Variants in KCNIP4 observed in about 807,000 individuals in gnomAD.
The protein encoded by KCNIP4 is Kv channel-interacting protein 4.
In KCNIP4, 12 loss-of-function variants were observed where a neutral mutation model predicts 34.0. That is an observed-to-expected ratio of 0.35 (90% confidence interval 0.23 to 0.57). KCNIP4 has a LOEUF of 0.57. Ranked by LOEUF, KCNIP4 falls within the 20% of genes least tolerant of loss-of-function variation. The pLI is 0.83. For missense variants in KCNIP4, 238 were observed against 311.7 expected, an observed-to-expected ratio of 0.76 and a Z score of 1.78; for synonymous variants, 124 against 102.2, an observed-to-expected ratio of 1.21 and a Z score of -1.29.
intron 1 of KCNIP4, among the ~76,000 whole-genome samples, chr4:21,462,478 A>G (rs1729540491): frequency 6.6e-6 from 1 of 152,108 alleles, no homozygotes; most frequent in Admixed American, 6.5e-5. Context: ...CCATGATTCA[A>G]TTACCTCCCA....
chr4:21,481,665 G>C (rs1001259550), intron 1 of KCNIP4, among the ~76,000 whole-genome samples: 2 of 152,094 alleles, frequency 1.3e-5, no homozygotes, highest in African/African-American at 4.8e-5. Context: ...TGGGCTTCTG[G>C]ACTAATGGAT....
chr4:21,503,673 TC>T (rs1372592505), intron 1 of KCNIP4, among the ~76,000 whole-genome samples: 1 of 152,164 alleles, frequency 6.6e-6, no homozygotes, highest in Non-Finnish European at 1.5e-5. Flanking sequence ...ACTTTTTAAA[TC>T]TTTTATAGCA....
At chr4:21,526,471 A>G (rs532380289) in intron 1 of KCNIP4, among the ~76,000 whole-genome samples, 1 of 152,254 alleles carries the variant, frequency 6.6e-6, no homozygotes, top group Non-Finnish European at 1.5e-5. Flanking sequence ...ATGGGAACAG[A>G]CTAATATAGC....
chr4:21,055,043 T>C lies in KCNIP4; in HGVS notation c.62-172334A>G, dbSNP rs1047856904. 3.3e-5 allele frequency among the ~76,000 whole-genome samples: 5 copies of C among 152,178 alleles called. No individual in the cohort carries two copies. In the East Asian group the frequency reaches 5.8e-4, roughly 18 times the overall value. ...TGACAAAGAATCATTTTCCAAAGTA[T>C]ACAAAAAACTCTTAAGACTCAACAG... is the stretch of plus-strand genomic sequence containing the variant. On this transcript the variant is annotated intron_variant, in intron 1 of 8. Transcript: ENST00000382152.
At chr4:21,682,173 G>A (rs574518347) in intron 1 of KCNIP4, among the ~76,000 whole-genome samples, 60 of 152,176 alleles carry the variant, frequency 3.9e-4, no homozygotes, top group South Asian at 8.3e-4. Context: ...GATTACCTGC[G>A]TGAGCCACCA....
At chr4:21,839,519 C>T (rs546282493) in intron 1 of KCNIP4, among the ~76,000 whole-genome samples, 11 of 152,228 alleles carry the variant, frequency 7.2e-5, no homozygotes, top group African/African-American at 2.4e-4. Context: ...TTTGGGAGGC[C>T]GAGGTGGGTG....
intron 3 of KCNIP4, among the ~76,000 whole-genome samples, chr4:20,769,273 C>T (rs990633906): frequency 6.6e-6 from 1 of 152,106 alleles, no homozygotes; most frequent in Non-Finnish European, 1.5e-5. Context: ...CTTATTTTTA[C>T]TATTATCTCT....
At chr4:20,899,143 C>A (rs77835056) in intron 1 of KCNIP4, among the ~76,000 whole-genome samples, 7,251 of 152,194 alleles carry the variant, frequency 0.048, 392 homozygotes, top group African/African-American at 0.13. Flanking sequence ...GTGTTATCTA[C>A]AAATTATATC....
chr4:20,956,722 T>A (rs2149651508), intron 1 of KCNIP4, among the ~76,000 whole-genome samples: 1 of 152,270 alleles, frequency 6.6e-6, no homozygotes, highest in African/African-American at 2.4e-5. Flanking sequence ...GTTTTTAAAT[T>A]TGACTTTAAG....
chr4:21,457,360 G>T (rs1283994161), intron 1 of KCNIP4, among the ~76,000 whole-genome samples: 1 of 151,786 alleles, frequency 6.6e-6, no homozygotes, highest in Non-Finnish European at 1.5e-5. Context: ...CTTTTAGCGT[G>T]CCAGCTCTGT....
At chr4:20,802,188 T>C (rs142390973) in intron 3 of KCNIP4, among the ~76,000 whole-genome samples, 9 of 48,084 alleles carry the variant, frequency 1.9e-4, no homozygotes, top group East Asian at 1.8e-3. Flanking sequence ...ATATATGCTA[T>C]ATATATGCTA....
intron 1 of KCNIP4, among the ~76,000 whole-genome samples, chr4:21,138,414 A>G (rs932336072): frequency 1.3e-5 from 2 of 152,266 alleles, no homozygotes; most frequent in South Asian, 2.1e-4. Flanking sequence ...CTGTCTACAG[A>G]GCATGCCATC....
intron 1 of KCNIP4, among the ~76,000 whole-genome samples, chr4:20,936,768 T>C (rs1731112616): frequency 6.6e-6 from 1 of 152,190 alleles, no homozygotes; most frequent in Non-Finnish European, 1.5e-5. Flanking sequence ...TCCCTCACCA[T>C]GTCCCACAGA....
chr4:21,125,633 G>A (rs925936013), intron 1 of KCNIP4, among the ~76,000 whole-genome samples: 1 of 152,100 alleles, frequency 6.6e-6, no homozygotes, highest in African/African-American at 2.4e-5. Context: ...CCGCACGTTG[G>A]GAACCAGTGC....
intron 1 of KCNIP4, among the ~76,000 whole-genome samples, chr4:21,763,483 CAAT>C (rs754691220): frequency 6.6e-6 from 1 of 152,064 alleles, no homozygotes; most frequent in Non-Finnish European, 1.5e-5. Flanking sequence ...ATAAAAACAA[CAAT>C]GTCTTCAGAA....
Position 21,342,467 on chromosome 4 carries a change from T to C in KCNIP4, c.62-459758A>G, listed in dbSNP as rs563884765. 4.3e-4 allele frequency among the ~76,000 whole-genome samples: 66 copies of C among 152,250 alleles called. 1 individual carries two copies. The South Asian group carries it at 0.012, about 27-fold the overall frequency. ...TGTCACTATTGCTCACTAGAGGAAA[T>C]TGAAAGCTTAAACATCATGCCCAAG... On this transcript the variant is annotated intron_variant, in intron 1 of 8. Transcript: ENST00000382152.
chr4:21,055,902 G>A (rs555919922), intron 1 of KCNIP4, among the ~76,000 whole-genome samples: 22 of 152,300 alleles, frequency 1.4e-4, no homozygotes, highest in South Asian at 4.1e-4. Context: ...CCCCTAGAAT[G>A]TACAATATCT....
intron 3 of KCNIP4, among the ~76,000 whole-genome samples, chr4:20,787,269 G>A (rs908666855): frequency 3.3e-5 from 5 of 152,136 alleles, no homozygotes; most frequent in Non-Finnish European, 2.9e-5. Flanking sequence ...CCTTTCAAAC[G>A]CCTACATCTC....
intron 1 of KCNIP4, among the ~76,000 whole-genome samples, chr4:21,379,646 T>C (rs2109469580): frequency 6.6e-6 from 1 of 152,334 alleles, no homozygotes; most frequent in East Asian, 1.9e-4. Context: ...TTTAAAGCCT[T>C]CATAGAACCC....
Sources: gnomAD v4.1 joint callset for allele counts (sites outside exome capture counted in the v4.1 genomes callset) on GRCh38, gnomAD v4.1.1 for gene constraint, MANE v1.5 for transcripts, NCBI Gene and HGNC (gene_info 2026-07-23, HGNC 2026-07-21) for gene names.